FGF14: variants seen among roughly 807,000 people sequenced by gnomAD.
FGF14 encodes fibroblast growth factor 14, also known as fibroblast growth factor homologous factor 4.
In FGF14, 5 loss-of-function variants were observed where a neutral mutation model predicts 25.5. The observed-to-expected ratio is 0.20, with a 90% CI of 0.10 to 0.41. The LOEUF (loss-of-function observed/expected upper bound fraction) is 0.41, where lower values mean the gene tolerates loss of function less well. Ranked by LOEUF, FGF14 falls within the 10% of genes least tolerant of loss-of-function variation. FGF14 has a pLI of 1.00. For synonymous variants in FGF14, 138 were observed against 118.3 expected (o/e 1.17, Z -1.08); for missense variants, 222 against 320.1 (o/e 0.69, Z 2.34).
At chr13:101,862,271 T>C (rs554410922) in intron 3 of FGF14, among the ~76,000 whole-genome samples, 1 of 152,206 alleles carries the variant, frequency 6.6e-6, no homozygotes, top group East Asian at 1.9e-4. Context: ...TCCTTTCTCT[T>C]CTTTTCTCTT....
chr13:102,270,211 C>T (rs2141157028), intron 1 of FGF14, among the ~76,000 whole-genome samples: 1 of 151,998 alleles, frequency 6.6e-6, no homozygotes, highest in Non-Finnish European at 1.5e-5. Context: ...CACTTAGAAA[C>T]ATCCATATAG....
At chr13:102,265,344 G>C (rs964759309) in intron 1 of FGF14, among the ~76,000 whole-genome samples, 1 of 152,130 alleles carries the variant, frequency 6.6e-6, no homozygotes, top group African/African-American at 2.4e-5. Flanking sequence ...CATGGCGGGA[G>C]GTGAGGATAA....
chr13:102,313,297 A>G (rs539747069), intron 1 of FGF14, among the ~76,000 whole-genome samples: 1 of 152,328 alleles, frequency 6.6e-6, no homozygotes, highest in East Asian at 1.9e-4. Flanking sequence ...GAAATAGCTC[A>G]ATTACAATTA....
intron 3 of FGF14, among the ~76,000 whole-genome samples, chr13:101,748,868 T>C (rs1348073769): frequency 6.6e-6 from 1 of 151,836 alleles, no homozygotes; most frequent in East Asian, 1.9e-4. Flanking sequence ...CACATCCATG[T>C]TTACAACAGC....
intron 1 of FGF14, among the ~76,000 whole-genome samples, chr13:102,253,004 A>G (rs2052261587): frequency 6.6e-6 from 1 of 152,094 alleles, no homozygotes; most frequent in East Asian, 1.9e-4. Context: ...AGAACTCATC[A>G]TTTTTTATGG....
In FGF14 at chr13:101,764,108, C is replaced by T. The variant is rs569071167; in HGVS notation, c.409-37298G>A. The stretch of plus-strand genomic sequence containing the variant: ...GGGGCACAGGGATCCATCACTGACA[C>T]TGTTAAGAATTGTTGGCACTGAGTG... On this transcript the variant is annotated intron_variant, in intron 3 of 4. Transcript: ENST00000376143. Among the ~76,000 whole-genome samples the T allele has an allele frequency of 1.0e-3, 154 of 152,284 alleles. 1 individual carries two copies. Among genetic ancestry groups the T allele is most frequent in the African/African-American group, 3.6e-3 (151 of 41,566 alleles).
At chr13:101,944,978 C>T in intron 1 of FGF14, among the ~76,000 whole-genome samples, 1 of 152,056 alleles carries the variant, frequency 6.6e-6, no homozygotes, top group Admixed American at 6.6e-5. Context: ...GTGATGGTTG[C>T]AAGACAATGT....
chr13:101,845,996 T>C (rs557647973), intron 3 of FGF14, among the ~76,000 whole-genome samples: 5 of 152,144 alleles, frequency 3.3e-5, no homozygotes, highest in Admixed American at 2.6e-4. Context: ...TTTTGCCACA[T>C]TGTTCACTCA....
intron 1 of FGF14, among the ~76,000 whole-genome samples, chr13:101,946,955 C>T (rs2035849309): frequency 6.6e-6 from 1 of 152,018 alleles, no homozygotes; most frequent in African/African-American, 2.4e-5. Context: ...TCTTTAGTGC[C>T]CCGAGTTTTT....
intron 3 of FGF14, among the ~76,000 whole-genome samples, chr13:101,816,316 T>C (rs1020062515): frequency 2.1e-5 from 3 of 145,824 alleles, no homozygotes; most frequent in Non-Finnish European, 3.0e-5. Flanking sequence ...AAGGGAGATA[T>C]CAGGGTTAAA....
chr13:102,108,569 A>C (rs1399081688), intron 1 of FGF14, among the ~76,000 whole-genome samples: 4 of 152,220 alleles, frequency 2.6e-5, no homozygotes, highest in Non-Finnish European at 5.9e-5. Context: ...TTTATGTCTT[A>C]ATCTCCCCAA....
At chr13:101,821,161 G>A (rs1256567714) in intron 3 of FGF14, among the ~76,000 whole-genome samples, 2 of 152,008 alleles carry the variant, frequency 1.3e-5, no homozygotes, top group Non-Finnish European at 2.9e-5. Flanking sequence ...TGTCAGCCAG[G>A]ATGTTCTCGA....
chr13:101,867,430 C>G (rs1466877857), intron 3 of FGF14, among the ~76,000 whole-genome samples: 5 of 152,048 alleles, frequency 3.3e-5, no homozygotes, highest in Admixed American at 1.3e-4. Context: ...CAATTACTAA[C>G]AGAAAGATAG....
chr13:102,092,944 G>C (rs532018551), intron 1 of FGF14, among the ~76,000 whole-genome samples: 2 of 152,288 alleles, frequency 1.3e-5, no homozygotes, highest in East Asian at 3.9e-4. Flanking sequence ...TAGGATTAGA[G>C]GGCCCTCAAG....
intron 3 of FGF14, among the ~76,000 whole-genome samples, chr13:101,739,204 T>A (rs936148697): frequency 4.6e-5 from 7 of 151,040 alleles, no homozygotes; most frequent in African/African-American, 1.7e-4. Context: ...TGTGAACACA[T>A]GGAAACAAAT....
intron 1 of FGF14, among the ~76,000 whole-genome samples, chr13:102,174,049 G>A (rs909430713): frequency 6.6e-6 from 1 of 151,792 alleles, no homozygotes; most frequent in Non-Finnish European, 1.5e-5. Flanking sequence ...AAACTCTAAA[G>A]ATTCCTCCAA....
intron 1 of FGF14, among the ~76,000 whole-genome samples, chr13:102,072,749 CCTCA>C (rs1444745803): frequency 6.6e-6 from 1 of 152,056 alleles, no homozygotes; most frequent in Non-Finnish European, 1.5e-5. Context: ...TTACCTGAAG[CCTCA>C]CTCAAATGAT....
intron 1 of FGF14, among the ~76,000 whole-genome samples, chr13:101,990,464 C>CT (rs575754557): frequency 2.0e-5 from 3 of 151,976 alleles, no homozygotes; most frequent in Non-Finnish European, 2.9e-5. Context: ...TTACTCAACA[C>CT]TTTTTTTTCT....
chr13:102,073,220 C>T (rs2043221275), intron 1 of FGF14, among the ~76,000 whole-genome samples: 1 of 152,018 alleles, frequency 6.6e-6, no homozygotes, highest in Non-Finnish European at 1.5e-5. Flanking sequence ...CCACTGCACT[C>T]CAGTCTGGGT....
Sources: allele counts gnomAD v4.1 joint callset (sites outside exome capture counted in the v4.1 genomes callset), GRCh38; gene constraint gnomAD v4.1.1; transcripts MANE v1.5; gene names NCBI Gene and HGNC (gene_info 2026-07-23, HGNC 2026-07-21).